DRC4: variants seen among roughly 807,000 people sequenced by gnomAD.
DRC4 encodes the protein dynein regulatory complex subunit 4.
chr16:90,037,747 C>G, the DRC4 span: 2 of 1,611,554 alleles, frequency 1.2e-6, no homozygotes, highest in Non-Finnish European at 1.7e-6. Flanking sequence ...CCCCTACTCC[C>G]TGTTTTTCCT....
chr16:90,035,751 T>G, the DRC4 span: 1 of 1,614,076 alleles, frequency 6.2e-7, no homozygotes, highest in South Asian at 1.1e-5. Flanking sequence ...AGAGAGGAAT[T>G]TACCTCCAGA....
the DRC4 span, chr16:90,039,917 C>T: frequency 3.4e-5 from 10 of 297,242 alleles, no homozygotes; most frequent in East Asian, 4.5e-4. Context: ...CCTGCAAGCT[C>T]GGCCTGCTGG....
chr16:90,025,428 G>C, the DRC4 span, among the ~76,000 whole-genome samples: 2 of 151,320 alleles, frequency 1.3e-5, no homozygotes, highest in South Asian at 2.1e-4. Flanking sequence ...TAGGTGGGCA[G>C]ATCACGGGTC....
the DRC4 span, chr16:90,022,789 G>A: frequency 7.8e-7 from 1 of 1,283,902 alleles, no homozygotes; most frequent in Non-Finnish European, 1.0e-6. Context: ...GGGCAGGGAG[G>A]CCTCGGTACA....
the DRC4 span, chr16:90,029,251 A>G: frequency 1.6e-6 from 2 of 1,257,376 alleles, no homozygotes; most frequent in South Asian, 1.5e-5. Flanking sequence ...ACGTTGAGCC[A>G]CAGACTCAGA....
the DRC4 span, chr16:90,037,794 A>G: frequency 1.2e-6 from 2 of 1,614,058 alleles, no homozygotes; most frequent in African/African-American, 2.7e-5. Context: ...TCAGGGAGAA[A>G]GAGCTGAAAG....
the DRC4 span, chr16:90,044,850 C>T: frequency 8.1e-6 from 2 of 246,824 alleles, no homozygotes; most frequent in Non-Finnish European, 8.2e-6. Context: ...AAAAGTCTCC[C>T]ACAATTTATC....
At chr16:90,022,133 G>C in the DRC4 span, 1 of 152,222 alleles carries the variant, frequency 6.6e-6, no homozygotes, top group South Asian at 2.1e-4. Flanking sequence ...TTTTGTGAAA[G>C]GAATACTTAC....
the DRC4 span, chr16:90,022,766 CCCGGAGACCTCGGGGCAGGGAG>C: frequency 1.5e-6 from 2 of 1,339,880 alleles, no homozygotes; most frequent in Admixed American, 6.7e-5. Flanking sequence ...TCGGCAGGGG[CCCGGAGACCTCGGGGCAGGGAG>C]GCCTCGGTAC....
chr16:90,036,660 C>T, the DRC4 span: 1 of 1,329,600 alleles, frequency 7.5e-7, no homozygotes, highest in Admixed American at 2.0e-5. Context: ...TCCTGGGGAT[C>T]CAGACCCCAG....
the DRC4 span, chr16:90,042,532 T>C: frequency 3.7e-6 from 6 of 1,613,274 alleles, no homozygotes; most frequent in African/African-American, 6.7e-5. Flanking sequence ...CCCAGGTCTG[T>C]AAGGTACGGC....
chr16:90,037,300 G>C, the DRC4 span: 3 of 1,614,058 alleles, frequency 1.9e-6, no homozygotes, highest in Non-Finnish European at 2.5e-6. Context: ...TGTCTGGGCA[G>C]AACAAGCGCC....
the DRC4 span, chr16:90,036,167 G>A: frequency 6.4e-5 from 38 of 590,030 alleles, no homozygotes; most frequent in Non-Finnish European, 1.0e-4. Context: ...CCTGTCACTG[G>A]CAAAGGCAGG....
At chr16:90,029,521 G>T in the DRC4 span, 1 of 375,498 alleles carries the variant, frequency 2.7e-6, no homozygotes, top group Non-Finnish European at 5.2e-6. Context: ...CTCTGCCCAG[G>T]AGCCTCTAAA....
the DRC4 span, among the ~76,000 whole-genome samples, chr16:90,023,474 G>A: frequency 6.6e-6 from 1 of 152,206 alleles, no homozygotes; most frequent in African/African-American, 2.4e-5. Context: ...GGTGGGGGGA[G>A]GAAAGCTCTG....
the DRC4 span, among the ~76,000 whole-genome samples, chr16:90,033,217 CTT>C: frequency 6.6e-6 from 1 of 152,210 alleles, no homozygotes. Context: ...CACCCAGAGA[CTT>C]TTCCTAGGGA....
chr16:90,043,263 T>G, the DRC4 span: 1 of 1,613,592 alleles, frequency 6.2e-7, no homozygotes, highest in Admixed American at 1.7e-5. Context: ...CTGGACAACG[T>G]GGGCTTCAAG....
At chr16:90,029,489 C>G in the DRC4 span, 1 of 415,572 alleles carries the variant, frequency 2.4e-6, no homozygotes, top group East Asian at 7.6e-5. Flanking sequence ...CCAAACAGAC[C>G]AGTCAGGAGC....
the DRC4 span, chr16:90,027,570 C>G: frequency 1.3e-6 from 2 of 1,525,756 alleles, no homozygotes; most frequent in Non-Finnish European, 1.8e-6. Context: ...TTCCTGGGAG[C>G]AAATCAGAGC....
Sources: gnomAD v4.1 joint callset for allele counts (sites outside exome capture counted in the v4.1 genomes callset) on GRCh38, gnomAD v4.1.1 for gene constraint, MANE v1.5 for transcripts, NCBI Gene and HGNC (gene_info 2026-07-23, HGNC 2026-07-21) for gene names.